RGS6: variants seen among roughly 807,000 people sequenced by gnomAD.
RGS6 encodes regulator of G protein signaling 6.
Under a neutral mutation model 78.5 loss-of-function variants are expected in RGS6, and 30 were observed. That is an observed-to-expected ratio of 0.38 (90% CI 0.29 to 0.52). RGS6 has a LOEUF of 0.52. RGS6 is among the 20% of genes least tolerant of loss of function. The pLI is 0.85. For missense variants in RGS6, 495 were observed against 609.7 expected, an observed-to-expected ratio of 0.81 and a Z score of 1.98; for synonymous variants, 206 against 206.0, an observed-to-expected ratio of 1.00 and a Z score of 0.00.
chr14:72,483,208 C>T (rs564320015), intron 12 of RGS6, among the ~76,000 whole-genome samples: 21 of 152,302 alleles, frequency 1.4e-4, no homozygotes, highest in African/African-American at 3.9e-4. Context: ...TGTTTGGCTG[C>T]GATTCCCCAG....
chr14:72,283,642 A>G (rs959055171), intron 2 of RGS6, among the ~76,000 whole-genome samples: 1 of 152,150 alleles, frequency 6.6e-6, no homozygotes, highest in Non-Finnish European at 1.5e-5. Context: ...GTGTCCATTA[A>G]ACTTCTTTTT....
chr14:72,191,312 C>G (rs971396551), intron 2 of RGS6, among the ~76,000 whole-genome samples: 2 of 148,124 alleles, frequency 1.4e-5, no homozygotes, highest in African/African-American at 4.9e-5. Flanking sequence ...TCAACTCACA[C>G]CATGCATGTG....
chr14:72,121,849 G>A (rs2096060801), intron 2 of RGS6, among the ~76,000 whole-genome samples: 1 of 152,090 alleles, frequency 6.6e-6, no homozygotes, highest in Admixed American at 6.6e-5. Context: ...TGTCTGCAAC[G>A]GTGCCTTATT....
chr14:72,070,364 G>A (rs1006190177), intron 2 of RGS6, among the ~76,000 whole-genome samples: 2 of 152,060 alleles, frequency 1.3e-5, no homozygotes, highest in African/African-American at 4.8e-5. Flanking sequence ...TTGGCTTCAG[G>A]GTTTTGGGAC....
intron 2 of RGS6, among the ~76,000 whole-genome samples, chr14:72,063,652 G>T (rs781075942): frequency 5.9e-5 from 9 of 152,150 alleles, no homozygotes; most frequent in Non-Finnish European, 1.3e-4. Context: ...TAGAGATAAA[G>T]AAATTGACAG....
At chr14:71,926,126 A>C in the RGS6 span, among the ~76,000 whole-genome samples, 14 of 152,228 alleles carry the variant, frequency 9.2e-5, no homozygotes, top group Non-Finnish European at 1.6e-4. Context: ...TCACTATCAA[A>C]ATTCCAATGG....
At chr14:72,494,151 T>TA (rs953469430) in intron 12 of RGS6, among the ~76,000 whole-genome samples, 4 of 152,028 alleles carry the variant, frequency 2.6e-5, no homozygotes, top group African/African-American at 7.2e-5. Flanking sequence ...GTTTAAGGTA[T>TA]AAAAAAATGA....
intron 2 of RGS6, among the ~76,000 whole-genome samples, chr14:72,098,716 C>A: frequency 6.6e-6 from 1 of 152,156 alleles, no homozygotes; most frequent in East Asian, 1.9e-4. Flanking sequence ...TGCTTCTAAC[C>A]AAGCAGTAAC....
the RGS6 span, among the ~76,000 whole-genome samples, chr14:72,596,507 A>C: frequency 6.6e-6 from 1 of 152,230 alleles, no homozygotes; most frequent in Non-Finnish European, 1.5e-5. Context: ...CCATGACTAC[A>C]GCCCCTAATT....
the RGS6 span, among the ~76,000 whole-genome samples, chr14:71,925,802 A>G: frequency 6.9e-6 from 1 of 145,112 alleles, no homozygotes; most frequent in East Asian, 1.9e-4. Flanking sequence ...TTATGCCAGT[A>G]TCACACTGTC....
intron 2 of RGS6, among the ~76,000 whole-genome samples, chr14:72,154,071 C>T (rs1467716830): frequency 6.6e-6 from 1 of 152,086 alleles, no homozygotes. Flanking sequence ...GCATTCGTTT[C>T]CTAGCGTATT....
intron 2 of RGS6, among the ~76,000 whole-genome samples, chr14:72,107,192 A>G (rs1014038937): frequency 3.9e-5 from 6 of 152,084 alleles, no homozygotes; most frequent in African/African-American, 1.4e-4. Context: ...TTTTCAAGAT[A>G]CTGAATTGCT....
intron 2 of RGS6, among the ~76,000 whole-genome samples, chr14:72,007,092 C>G (rs1359870366): frequency 6.6e-6 from 1 of 150,960 alleles, no homozygotes; most frequent in Non-Finnish European, 1.5e-5. Context: ...GAAAATGTGC[C>G]TGATAAACTG....
intron 3 of RGS6, among the ~76,000 whole-genome samples, chr14:72,387,259 G>A (rs867997552): frequency 3.3e-4 from 50 of 152,212 alleles, no homozygotes; most frequent in Middle Eastern, 6.8e-3. Context: ...ATAAAAAAAA[G>A]GGAGAGGGGG....
intron 17 of RGS6, among the ~76,000 whole-genome samples, chr14:72,548,653 TAG>T (rs1328626160): frequency 2.6e-5 from 4 of 151,866 alleles, no homozygotes; most frequent in Admixed American, 1.3e-4. Context: ...AGAGAAGAGC[TAG>T]AGAGAGAAAG....
chr14:72,085,352 C>T (rs1377966656), intron 2 of RGS6, among the ~76,000 whole-genome samples: 2 of 152,292 alleles, frequency 1.3e-5, no homozygotes, highest in African/African-American at 4.8e-5. Context: ...GTCACTTGCT[C>T]AGTGTCCCTC....
At chr14:71,980,333 GT>G (rs1196188013) in intron 2 of RGS6, among the ~76,000 whole-genome samples, 3 of 145,096 alleles carry the variant, frequency 2.1e-5, no homozygotes, top group African/African-American at 7.8e-5. Context: ...TTGCTCGTTA[GT>G]TGATGCAGTT....
chr14:72,135,407 T>C (rs910402009), intron 2 of RGS6, among the ~76,000 whole-genome samples: 1 of 152,156 alleles, frequency 6.6e-6, no homozygotes, highest in African/African-American at 2.4e-5. Context: ...AGTTTCCTCA[T>C]CTGTGAAATG....
chr14:72,402,156 A>G (rs2092472435), intron 3 of RGS6, among the ~76,000 whole-genome samples: 1 of 152,218 alleles, frequency 6.6e-6, no homozygotes, highest in Non-Finnish European at 1.5e-5. Flanking sequence ...GAACCCAGCC[A>G]GAAGGCAAAG....
Sources: gnomAD v4.1 joint callset for allele counts (sites outside exome capture counted in the v4.1 genomes callset) on GRCh38, gnomAD v4.1.1 for gene constraint, MANE v1.5 for transcripts, NCBI Gene and HGNC (gene_info 2026-07-23, HGNC 2026-07-21) for gene names.